LINGO2: variants seen among roughly 807,000 people sequenced by gnomAD.
LINGO2 encodes the protein leucine-rich repeat and immunoglobulin-like domain-containing nogo receptor-interacting protein 2.
Under a neutral mutation model 30.6 loss-of-function variants are expected in LINGO2, and 14 were observed. The observed-to-expected ratio is 0.46, with a 90% CI of 0.30 to 0.72. The LOEUF is 0.72. LINGO2 is among the 30% of genes least tolerant of loss of function. LINGO2 has a pLI of 0.07. For synonymous variants in LINGO2, 317 were observed against 288.5 expected (o/e 1.10, Z -1.00); for missense variants, 729 against 751.7 (o/e 0.97, Z 0.35).
At chr9:28,390,922 T>TG (rs1244623872) in intron 2 of LINGO2, among the ~76,000 whole-genome samples, 1 of 151,812 alleles carries the variant, frequency 6.6e-6, no homozygotes, top group African/African-American at 2.4e-5. Flanking sequence ...GTAGCATTAG[T>TG]GAAAAAAAAA....
chr9:28,225,185 G>C (rs1057455087), intron 4 of LINGO2, among the ~76,000 whole-genome samples: 3 of 152,098 alleles, frequency 2.0e-5, no homozygotes, highest in Non-Finnish European at 4.4e-5. Flanking sequence ...GCAGGAAAGG[G>C]GGCCAGTAAA....
At chr9:28,820,595 G>A in the LINGO2 span, among the ~76,000 whole-genome samples, 229 of 152,228 alleles carry the variant, frequency 1.5e-3, 2 homozygotes, top group Admixed American at 2.2e-3. Context: ...TTGAGGGCAG[G>A]CCACTTTAAA....
At chr9:28,997,457 T>A in the LINGO2 span, among the ~76,000 whole-genome samples, 1 of 152,176 alleles carries the variant, frequency 6.6e-6, no homozygotes, top group Non-Finnish European at 1.5e-5. Context: ...ATGACAAATA[T>A]AACAGTTTGT....
At chr9:27,971,359 G>A (rs182236379) in intron 5 of LINGO2, among the ~76,000 whole-genome samples, 16 of 151,770 alleles carry the variant, frequency 1.1e-4, no homozygotes, top group Non-Finnish European at 2.2e-4. Flanking sequence ...CTGCACATCC[G>A]CATGTGAAAA....
intron 4 of LINGO2, among the ~76,000 whole-genome samples, chr9:28,046,197 A>G (rs1377990857): frequency 1.3e-5 from 2 of 152,202 alleles, no homozygotes; most frequent in Non-Finnish European, 2.9e-5. Context: ...CCTTAGATGC[A>G]GTATACGATT....
intron 1 of LINGO2, among the ~76,000 whole-genome samples, chr9:28,524,636 C>G (rs1820948708): frequency 6.6e-6 from 1 of 152,034 alleles, no homozygotes; most frequent in Admixed American, 6.6e-5. Flanking sequence ...ACCTGTAATC[C>G]CAGCTACTCG....
chr9:28,691,911 A>G, the LINGO2 span, among the ~76,000 whole-genome samples: 2 of 152,146 alleles, frequency 1.3e-5, no homozygotes, highest in Non-Finnish European at 2.9e-5. Flanking sequence ...TTAACTCCAT[A>G]TAACAATTAG....
intron 1 of LINGO2, among the ~76,000 whole-genome samples, chr9:28,579,698 C>G (rs1824164372): frequency 1.3e-5 from 2 of 152,074 alleles, no homozygotes; most frequent in South Asian, 4.1e-4. Flanking sequence ...ATTAGTGGAT[C>G]TGGCTCTTCA....
the LINGO2 span, among the ~76,000 whole-genome samples, chr9:29,164,009 C>T: frequency 6.6e-6 from 1 of 151,766 alleles, no homozygotes; most frequent in Non-Finnish European, 1.5e-5. Context: ...GTCACAAAAA[C>T]ACCATACACT....
intron 4 of LINGO2, among the ~76,000 whole-genome samples, chr9:28,145,610 C>A (rs1827791416): frequency 6.6e-6 from 1 of 151,966 alleles, no homozygotes; most frequent in Admixed American, 6.6e-5. Context: ...TTTGAGAAAA[C>A]CATGTGTTAA....
the LINGO2 span, among the ~76,000 whole-genome samples, chr9:29,030,920 G>C: frequency 6.6e-6 from 1 of 152,102 alleles, no homozygotes; most frequent in Non-Finnish European, 1.5e-5. Flanking sequence ...TCCTAAAATT[G>C]CTGGTCCCTC....
the LINGO2 span, among the ~76,000 whole-genome samples, chr9:29,182,649 C>T: frequency 6.6e-6 from 1 of 151,624 alleles, no homozygotes; most frequent in Non-Finnish European, 1.5e-5. Context: ...AGCATTCCAC[C>T]TGTTAGCCAA....
At chr9:29,010,895 A>T in the LINGO2 span, among the ~76,000 whole-genome samples, 3 of 152,256 alleles carry the variant, frequency 2.0e-5, no homozygotes, top group South Asian at 2.1e-4. Context: ...AAAGAAAAAC[A>T]AATAAATAAA....
At chr9:28,224,166 A>G (rs1296285406) in intron 4 of LINGO2, among the ~76,000 whole-genome samples, 1 of 152,050 alleles carries the variant, frequency 6.6e-6, no homozygotes, top group Non-Finnish European at 1.5e-5. Context: ...TCGGGTTCAC[A>G]CCATTCTCCT....
chr9:28,784,025 C>G, the LINGO2 span, among the ~76,000 whole-genome samples: 1 of 152,180 alleles, frequency 6.6e-6, no homozygotes, highest in Non-Finnish European at 1.5e-5. Context: ...GTCCCCACCG[C>G]TGAACACCAT....
At chr9:29,046,950 G>A in the LINGO2 span, among the ~76,000 whole-genome samples, 14 of 59,258 alleles carry the variant, frequency 2.4e-4, no homozygotes, top group South Asian at 9.6e-4. Flanking sequence ...GTGGTGGCAC[G>A]CTCCTGTAGT....
the LINGO2 span, among the ~76,000 whole-genome samples, chr9:28,710,506 A>G: frequency 6.6e-6 from 1 of 152,094 alleles, no homozygotes; most frequent in African/African-American, 2.4e-5. Flanking sequence ...TGACTAAACC[A>G]CGAGATTTTT....
chr9:28,887,556 T>C, the LINGO2 span, among the ~76,000 whole-genome samples: 341 of 152,152 alleles, frequency 2.2e-3, 3 homozygotes, highest in African/African-American at 7.8e-3. Context: ...CCTTATTGCA[T>C]TCTAGTAAGA....
At chr9:28,217,033 A>G (rs1820791808) in intron 4 of LINGO2, among the ~76,000 whole-genome samples, 2 of 151,678 alleles carry the variant, frequency 1.3e-5, no homozygotes, top group Admixed American at 1.3e-4. Flanking sequence ...AAAGCAAGGA[A>G]TAGACATTTA....
Sources: gnomAD v4.1 joint callset for allele counts (sites outside exome capture counted in the v4.1 genomes callset) on GRCh38, gnomAD v4.1.1 for gene constraint, MANE v1.5 for transcripts, NCBI Gene and HGNC (gene_info 2026-07-23, HGNC 2026-07-21) for gene names.